The following PAQR3 variants were observed in gnomAD, a reference collection of about 807,000 sequenced individuals.
PAQR3 encodes Raf kinase trapping to Golgi.
Under a neutral mutation model 41.7 loss-of-function variants are expected in PAQR3, and 39 were observed. The ratio of observed to expected loss-of-function variants is 0.93; its 90% CI spans 0.72 to 1.22. The LOEUF (loss-of-function observed/expected upper bound fraction) is 1.22. Among genes scored for constraint, PAQR3 ranks in the 50% most tolerant of loss-of-function variants. The probability of loss-of-function intolerance (pLI) is 0.00; values close to 1 mark genes in which losing one functional copy is unlikely to be tolerated. For synonymous variants in PAQR3, 140 were observed against 140.6 expected, an observed-to-expected ratio of 1.00 and a Z score of 0.03; for missense variants, 366 against 385.6, an observed-to-expected ratio of 0.95 and a Z score of 0.42.
chr4:78,894,415 C>T (rs1733595461), intron 11 of PAQR3, among the ~76,000 whole-genome samples: 1 of 152,174 alleles, frequency 6.6e-6, no homozygotes, highest in South Asian at 2.1e-4. Flanking sequence ...ACACTTCCTG[C>T]GTTACCTGTA....
At chr4:78,932,715 T>C (rs530373450) in intron 2 of PAQR3, among the ~76,000 whole-genome samples, 2 of 151,320 alleles carry the variant, frequency 1.3e-5, no homozygotes, top group Non-Finnish European at 2.9e-5. Context: ...AAAAAGAAAA[T>C]AAAAAGAGGA....
Position 78,930,274 on chromosome 4 carries a change from C to T in PAQR3, c.400G>A (p.Glu134Lys). The T allele has an allele frequency of 6.2e-7, 1 of 1,613,758 alleles. No individual in the cohort carries two copies. The highest frequency in any genetic ancestry group is 8.5e-7 in the Non-Finnish European group (1 of 1,179,816). ...GYHLFSCHRS[E>K]KTCRRWMALD... ...GCCATCCATCTTCGACATGTTTTTT[C>T]TGACCGATGGCAGGAAAAAAGATGA... Residue 134 changes from glutamate (E) to lysine (K), a missense_variant, in exon 3 of 6, where the codon GAA (glutamate) becomes AAA (lysine). Physicochemically the swap from Glu to Lys is moderately conservative, Grantham distance 56 (BLOSUM62 1). Coordinates refer to ENST00000512733, the MANE Select transcript of PAQR3 (RefSeq NM_001040202.2).
chr4:78,918,755 AT>A lies in PAQR3; in HGVS notation c.*1783del. 1 of 982,184 alleles carries A rather than the reference AT, an allele frequency of 1.0e-6. No individual in the cohort carries two copies. The highest frequency in any genetic ancestry group is 1.2e-6 in the Non-Finnish European group (1 of 827,150). The allele number at this position is 982,184 out of a possible 1,614,324, so 60.8% of individuals were successfully genotyped here. A position where few individuals can be genotyped will look rare whatever the true frequency, so the allele number is the denominator to read the frequency against. ...AAATGGCTCCACACCTAAAATAATG[AT>A]TTTCCCCTCATTTTTAACTTAAGTG... is the stretch of plus-strand genomic sequence containing the variant. On this transcript the variant is annotated 3_prime_UTR_variant, in exon 6 of 6. Transcript: ENST00000512733.
chr4:78,922,079 A>G, intron 5 of PAQR3: 1 of 1,036,176 alleles, frequency 9.7e-7, no homozygotes, highest in Non-Finnish European at 1.2e-6. Context: ...TTGTCTTGCT[A>G]TAAAGAAAAT....
downstream of PAQR3, chr4:78,911,771 A>G: frequency 6.2e-7 from 1 of 1,614,002 alleles, no homozygotes; most frequent in Non-Finnish European, 8.5e-7. Flanking sequence ...AAGCCCTTCC[A>G]TTCTCCAGAC....
chr4:78,930,373 C>T, intron 2 of PAQR3, 48 bp from the exon 3 acceptor site: 3 of 1,544,868 alleles, frequency 1.9e-6, no homozygotes, highest in Non-Finnish European at 2.6e-6. Context: ...GAAACTAAAG[C>T]AACTTATGCA....
chr4:78,889,992 T>C (rs937518706), intron 11 of PAQR3, among the ~76,000 whole-genome samples: 1 of 152,228 alleles, frequency 6.6e-6, no homozygotes, highest in African/African-American at 2.4e-5. Flanking sequence ...GGAATTGTGC[T>C]CTTTTTATTT....
intron 1 of PAQR3, among the ~76,000 whole-genome samples, chr4:78,936,241 T>C (rs1042300467): frequency 1.3e-5 from 2 of 152,264 alleles, no homozygotes; most frequent in African/African-American, 4.8e-5. Flanking sequence ...GGTGACATCA[T>C]GACTAAAGAT....
At position 78,920,533 on chromosome 4, in the gene PAQR3, C is replaced by T; in HGVS notation, c.*6G>A. ...CAACTGAATTCACCAGGTGGCCATA[C>T]CTAATTCACAAATGTGAAACATAGT... On this transcript the variant is annotated 3_prime_UTR_variant, in exon 6 of 6. Transcript: ENST00000512733. 3 of 1,604,772 alleles carry T rather than the reference C, an allele frequency of 1.9e-6. No homozygotes were observed. Among genetic ancestry groups the T allele is most frequent in the Non-Finnish European group, 2.6e-6 (3 of 1,175,446 alleles).
At position 78,916,732 on chromosome 4, in the gene PAQR3, C is replaced by CTGA. The variant is rs907236960; in HGVS notation, c.*3804_*3806dup. 2 of 151,804 alleles carry CTGA rather than the reference C, an allele frequency of 1.3e-5. No homozygotes were observed. The highest frequency in any genetic ancestry group is 4.8e-5 in the African/African-American group (2 of 41,398). 9.4% of individuals were successfully genotyped at this position (151,804 alleles called of 1,614,324 possible). On this transcript the variant is annotated 3_prime_UTR_variant, in exon 6 of 6. Transcript: ENST00000512733. ...TATAAATTTTTAAAAATCTTTAAAA[C>CTGA]TGATAACATCTTTGGCTGAATTAAT... is the stretch of plus-strand genomic sequence containing the variant.
chr4:78,931,541 T>C (rs1160169173), intron 2 of PAQR3, among the ~76,000 whole-genome samples: 2 of 152,230 alleles, frequency 1.3e-5, no homozygotes, highest in African/African-American at 4.8e-5. Context: ...AGCTATTAAG[T>C]ACCTGCTGTA....
At chr4:78,911,512 A>G (rs376045171), downstream of PAQR3, 14 of 1,614,074 alleles carry the variant, frequency 8.7e-6, no homozygotes, top group Non-Finnish European at 1.1e-5. Context: ...AAAGCAGGAT[A>G]TGTCCAAAAG....
downstream of PAQR3, among the ~76,000 whole-genome samples, chr4:78,909,304 GGGATTAC>G (rs1275505657): frequency 2.6e-5 from 4 of 152,050 alleles, 1 homozygote; most frequent in Admixed American, 2.6e-4. Flanking sequence ...CCAAAGTGCT[GGGATTAC>G]AGGGGTGAGC....
rs1734889760 is a variant in PAQR3 at position 78,914,659 on chromosome 4, G to A, written c.*5880C>T. ...TCAATAAAAGTTTGGCTCTATTATG[G>A]GATGGTTCAATTCTGGTTTAAGGAA... On this transcript the variant is annotated 3_prime_UTR_variant, in exon 6 of 6. Transcript: ENST00000512733. The A allele has an allele frequency of 6.6e-6, 1 of 151,110 alleles. No individual in the cohort carries two copies. The highest frequency in any genetic ancestry group is 1.5e-5 in the Non-Finnish European group (1 of 67,746). 9.4% of individuals were successfully genotyped at this position (151,110 alleles called of 1,614,324 possible). A position where few individuals can be genotyped will look rare whatever the true frequency, so the allele number is the denominator to read the frequency against.
Position 78,938,065 on chromosome 4 carries a change from G to T in PAQR3, c.185+975C>A, listed in dbSNP as rs564393013. ...CCATGAGTCACAGAAACACTTTCAT[G>T]GCAGGACAAAAGGAAAGAAGGGCAG... On this transcript the variant is annotated intron_variant, in intron 1 of 5. Transcript: ENST00000512733. Among the ~76,000 whole-genome samples, 4 of 152,292 alleles carry T rather than the reference G, an allele frequency of 2.6e-5. No homozygotes were observed. The East Asian group carries it at 7.7e-4, about 29-fold the overall frequency.
chr4:78,929,063 G>C (rs914083918), intron 3 of PAQR3, among the ~76,000 whole-genome samples: 1 of 152,216 alleles, frequency 6.6e-6, no homozygotes, highest in African/African-American at 2.4e-5. Context: ...CTGTAAATAC[G>C]TATGAAACTT....
At chr4:78,931,513 T>TATG (rs771237921) in intron 2 of PAQR3, among the ~76,000 whole-genome samples, 8 of 152,390 alleles carry the variant, frequency 5.2e-5, no homozygotes, top group African/African-American at 7.2e-5. Flanking sequence ...GATAAGGTTC[T>TATG]ATGGCAGAAT....
Position 78,916,145 on chromosome 4 carries a change from TC to T in PAQR3, c.*4393del, listed in dbSNP as rs1194473047. On this transcript the variant is annotated 3_prime_UTR_variant, in exon 6 of 6. Transcript: ENST00000512733. ...AAACAATTATGAGATAGACTCAGTC[TC>T]CCCCTCCCACCCCTTTTCCCCTGCC... 4.0e-5 allele frequency: 6 copies of T among 151,854 alleles called. No individual in the cohort carries two copies. The highest frequency in any genetic ancestry group is 3.9e-4 in the Admixed American group (6 of 15,200). 9.4% of individuals were successfully genotyped at this position (151,854 alleles called of 1,614,324 possible).
At chr4:78,922,324 G>GGATGC in intron 5 of PAQR3, 1 of 1,287,172 alleles carries the variant, frequency 7.8e-7, no homozygotes, top group South Asian at 1.2e-5. Context: ...AGGATCTGTG[G>GGATGC]GATGGATTGT....
Sources: gnomAD v4.1 joint callset for allele counts (sites outside exome capture counted in the v4.1 genomes callset) on GRCh38, gnomAD v4.1.1 for gene constraint, MANE v1.5 for transcripts, NCBI Gene and HGNC (gene_info 2026-07-23, HGNC 2026-07-21) for gene names.